LRP1B: variants seen among roughly 807,000 people sequenced by gnomAD.
LRP1B encodes low-density lipoprotein receptor-related protein 1B.
In LRP1B, 217 loss-of-function variants were observed where a neutral mutation model predicts 556.6. The observed-to-expected ratio is 0.39, with a 90% CI of 0.35 to 0.44. The LOEUF is 0.44. LRP1B is among the 20% of genes least tolerant of loss of function. The probability of loss-of-function intolerance (pLI) is 1.00; values close to 1 mark genes in which losing one functional copy is unlikely to be tolerated. For missense variants in LRP1B, 5,053 were observed against 5,620.8 expected (o/e 0.90, Z 3.23); for synonymous variants, 2,047 against 1,865.8 (o/e 1.10, Z -2.50).
chr2:141,381,239 A>G (rs1689631026), intron 3 of LRP1B, among the ~76,000 whole-genome samples: 1 of 152,048 alleles, frequency 6.6e-6, no homozygotes, highest in African/African-American at 2.4e-5. Flanking sequence ...CAGAAATCAC[A>G]AAACTGAAGA....
intron 59 of LRP1B, 70 bp from the exon 60 acceptor site, chr2:140,475,407 CT>C (rs1687932945): frequency 8.4e-7 from 1 of 1,195,204 alleles, no homozygotes; most frequent in East Asian, 2.5e-5. Flanking sequence ...CAATATATTA[CT>C]TTTTTGCTCA....
intron 3 of LRP1B, among the ~76,000 whole-genome samples, chr2:141,278,341 G>A (rs1042344757): frequency 6.6e-6 from 1 of 152,082 alleles, no homozygotes; most frequent in East Asian, 1.9e-4. Flanking sequence ...GCAAAGATAG[G>A]CTTCCTAGTA....
intron 41 of LRP1B, among the ~76,000 whole-genome samples, chr2:140,672,059 G>A (rs1662081473): frequency 6.6e-6 from 1 of 152,114 alleles, no homozygotes; most frequent in Non-Finnish European, 1.5e-5. Context: ...GTCTATCCTG[G>A]TCCAAAATTC....
chr2:140,410,959 C>T (rs1436402197), intron 66 of LRP1B, among the ~76,000 whole-genome samples: 1 of 152,042 alleles, frequency 6.6e-6, no homozygotes, highest in Non-Finnish European at 1.5e-5. Context: ...GAATGGGTGC[C>T]GGGGTTACCT....
intron 1 of LRP1B, among the ~76,000 whole-genome samples, chr2:141,887,642 C>T (rs961122231): frequency 1.2e-4 from 19 of 152,094 alleles, no homozygotes; most frequent in African/African-American, 4.6e-4. Flanking sequence ...TTAGTTTTAC[C>T]AGCTGTCTGA....
At chr2:140,949,295 T>C (rs1321608568) in intron 20 of LRP1B, among the ~76,000 whole-genome samples, 3 of 152,236 alleles carry the variant, frequency 2.0e-5, no homozygotes, top group Non-Finnish European at 4.4e-5. Context: ...ATAGTACTAA[T>C]TGTATGATTG....
At chr2:141,771,428 C>T (rs1363700439) in intron 2 of LRP1B, among the ~76,000 whole-genome samples, 3 of 152,138 alleles carry the variant, frequency 2.0e-5, no homozygotes, top group African/African-American at 4.8e-5. Context: ...TGTTAACAGT[C>T]TTTTCCAGTG....
At chr2:141,944,719 C>T (rs1184559968) in intron 1 of LRP1B, among the ~76,000 whole-genome samples, 1 of 151,952 alleles carries the variant, frequency 6.6e-6, no homozygotes, top group Non-Finnish European at 1.5e-5. Flanking sequence ...GCAGAATGAC[C>T]AGGACTAAAA....
intron 1 of LRP1B, among the ~76,000 whole-genome samples, chr2:141,869,550 C>T (rs1039200423): frequency 1.3e-5 from 2 of 152,066 alleles, no homozygotes; most frequent in African/African-American, 4.8e-5. Flanking sequence ...TGATATGTAC[C>T]TTACCATAAA....
At chr2:140,481,587 A>ATTATTG (rs1688244900) in intron 59 of LRP1B, among the ~76,000 whole-genome samples, 1 of 132,980 alleles carries the variant, frequency 7.5e-6, no homozygotes, top group African/African-American at 2.6e-5. Flanking sequence ...CTTTATTATT[A>ATTATTG]TTATTATTAT....
intron 79 of LRP1B, among the ~76,000 whole-genome samples, chr2:140,331,686 C>CAT (rs10571873): frequency 0.045 from 6,372 of 142,934 alleles, 184 homozygotes; most frequent in African/African-American, 0.077. Flanking sequence ...TATATATATA[C>CAT]ATATATATAT....
chr2:140,958,411 G>A (rs1695938066), intron 18 of LRP1B, among the ~76,000 whole-genome samples: 1 of 151,488 alleles, frequency 6.6e-6, no homozygotes, highest in African/African-American at 2.4e-5. Flanking sequence ...CTGTAGTTTT[G>A]GAATTACAAA....
At chr2:141,303,895 T>C (rs1439277978) in intron 3 of LRP1B, among the ~76,000 whole-genome samples, 1 of 152,204 alleles carries the variant, frequency 6.6e-6, no homozygotes, top group East Asian at 1.9e-4. Flanking sequence ...GTATGAGTTT[T>C]CTTTTCTCCA....
At chr2:141,751,122 G>C (rs1388148907) in intron 2 of LRP1B, among the ~76,000 whole-genome samples, 1 of 151,788 alleles carries the variant, frequency 6.6e-6, no homozygotes, top group African/African-American at 2.4e-5. Flanking sequence ...CTATTCAAAA[G>C]AATAGAAGAT....
rs185545480 is a variant in LRP1B at position 141,249,595 on chromosome 2, T to C, written c.464-2241A>G. On this transcript the variant is annotated intron_variant, in intron 4 of 90. Coordinates refer to ENST00000389484, the MANE Select transcript of LRP1B (RefSeq NM_018557.3). ...TGGGTGATAAGGCTCTGTCTCAAAA[T>C]AAAATAAAAATAATAATAATAAAAC... Among the ~76,000 whole-genome samples, 888 of 149,208 alleles carry C rather than the reference T, an allele frequency of 6.0e-3. 1 individual carries two copies. The highest frequency in any genetic ancestry group is 1.0e-2 in the Non-Finnish European group (672 of 67,324).
chr2:141,332,620 C>A (rs952495881), intron 3 of LRP1B, among the ~76,000 whole-genome samples: 1 of 151,048 alleles, frequency 6.6e-6, no homozygotes, highest in African/African-American at 2.4e-5. Flanking sequence ...TCACAGCATT[C>A]TTTTTTTTCT....
chr2:141,021,148 A>G (rs1404379263), intron 11 of LRP1B, among the ~76,000 whole-genome samples: 4 of 152,030 alleles, frequency 2.6e-5, no homozygotes, highest in Non-Finnish European at 4.4e-5. Flanking sequence ...TAGGTAGTAT[A>G]TATTAGAGAG....
chr2:141,881,879 T>G (rs773577989), intron 1 of LRP1B, among the ~76,000 whole-genome samples: 2 of 152,076 alleles, frequency 1.3e-5, no homozygotes, highest in Non-Finnish European at 2.9e-5. Context: ...TAATAAAGAA[T>G]ATAATTTATG....
chr2:140,842,207 T>A (rs1476794274), intron 29 of LRP1B, among the ~76,000 whole-genome samples: 1 of 152,182 alleles, frequency 6.6e-6, no homozygotes, highest in Non-Finnish European at 1.5e-5. Flanking sequence ...CTAGATTTTT[T>A]AATGTGAAAG....
Sources: gnomAD v4.1 joint callset for allele counts (sites outside exome capture counted in the v4.1 genomes callset) on GRCh38, gnomAD v4.1.1 for gene constraint, MANE v1.5 for transcripts, NCBI Gene and HGNC (gene_info 2026-07-23, HGNC 2026-07-21) for gene names.